The following RERE variants were observed in gnomAD, a reference collection of about 807,000 sequenced individuals.
RERE encodes the protein arginine-glutamic acid dipeptide repeats protein.
RERE carries 40 observed loss-of-function variants against 146.1 expected under a neutral mutation model. The ratio of observed to expected loss-of-function variants is 0.27; its 90% CI spans 0.21 to 0.36. RERE has a LOEUF of 0.36. Ranked by LOEUF, RERE falls within the 10% of genes least tolerant of loss-of-function variation. The pLI is 1.00. For synonymous variants in RERE, 1,003 were observed against 866.0 expected, an observed-to-expected ratio of 1.16 and a Z score of -2.78; for missense variants, 1,933 against 2,138.7, an observed-to-expected ratio of 0.90 and a Z score of 1.90.
At position 8,505,888 on chromosome 1, in the gene RERE, C is replaced by G. The variant is rs529755355; in HGVS notation, c.879+2739G>C. ...AAAAGTTTTATTATTTTTGGTGCTC[C>G]AAAACATTTCTTTTTGAAAATGAAG... On this transcript the variant is annotated intron_variant, in intron 8 of 22. Coordinates refer to ENST00000400908, the MANE Select transcript of RERE (RefSeq NM_001042681.2). 2.0e-4 allele frequency among the ~76,000 whole-genome samples: 31 copies of G among 152,090 alleles called. No individual in the cohort carries two copies. The East Asian group carries it at 5.8e-3, about 28-fold the overall frequency.
chr1:8,751,983 A>G (rs1640546799), intron 1 of RERE, among the ~76,000 whole-genome samples: 3 of 152,006 alleles, frequency 2.0e-5, no homozygotes, highest in Non-Finnish European at 2.9e-5. Context: ...ATTCAATATA[A>G]TAATAGTTAA....
At chr1:8,524,053 T>C (rs557146630) in intron 7 of RERE, among the ~76,000 whole-genome samples, 1 of 152,290 alleles carries the variant, frequency 6.6e-6, no homozygotes, top group South Asian at 2.1e-4. Context: ...GTCCAGTTCC[T>C]CTCGTCTATT....
chr1:8,786,088 C>G, intron 1 of RERE: 1 of 426,064 alleles, frequency 2.3e-6, no homozygotes, highest in Non-Finnish European at 4.4e-6. Flanking sequence ...CATCAGTCTG[C>G]CTGCTTCCAC....
intron 1 of RERE, among the ~76,000 whole-genome samples, chr1:8,752,099 G>C (rs1237320118): frequency 6.6e-6 from 1 of 151,908 alleles, no homozygotes; most frequent in Non-Finnish European, 1.5e-5. Context: ...TTTACAGACA[G>C]CAAAAAGACA....
chr1:8,570,639 T>A (rs1646210331), intron 4 of RERE, among the ~76,000 whole-genome samples: 1 of 152,092 alleles, frequency 6.6e-6, no homozygotes, highest in Non-Finnish European at 1.5e-5. Context: ...AGAATGACAG[T>A]GAAAAAAAGC....
intron 1 of RERE, among the ~76,000 whole-genome samples, chr1:8,791,710 C>T (rs1641365922): frequency 1.3e-5 from 2 of 152,174 alleles, no homozygotes; most frequent in East Asian, 1.9e-4. Context: ...CATGATTATT[C>T]TGAAATCTCT....
intron 1 of RERE, among the ~76,000 whole-genome samples, chr1:8,666,086 T>C (rs181563811): frequency 6.6e-6 from 1 of 152,268 alleles, no homozygotes; most frequent in Admixed American, 6.5e-5. Flanking sequence ...CTGCCTTAAA[T>C]GACATGGCCT....
chr1:8,488,518 T>G (rs923027183), intron 10 of RERE, among the ~76,000 whole-genome samples: 2 of 152,184 alleles, frequency 1.3e-5, no homozygotes, highest in Non-Finnish European at 2.9e-5. Context: ...AGTGCTGGGA[T>G]TATAGGTGTG....
chr1:8,638,815 GAGT>G (rs1647136232), intron 2 of RERE, among the ~76,000 whole-genome samples: 1 of 130,092 alleles, frequency 7.7e-6, no homozygotes, highest in Non-Finnish European at 1.5e-5. Context: ...TTTTGAGATG[GAGT>G]CTCGCTGTCG....
At chr1:8,724,095 T>C (rs1050547363) in intron 1 of RERE, among the ~76,000 whole-genome samples, 20 of 152,376 alleles carry the variant, frequency 1.3e-4, no homozygotes, top group Admixed American at 2.6e-4. Context: ...ACCAAAGATA[T>C]TCTATCCCTA....
chr1:8,446,736 G>A (rs887686278), intron 11 of RERE, among the ~76,000 whole-genome samples: 2 of 151,780 alleles, frequency 1.3e-5, no homozygotes, highest in African/African-American at 2.4e-5. Context: ...GTGCTGTGGC[G>A]CCATCTCGGC....
intron 12 of RERE, 121 bp downstream of exon 12, chr1:8,422,606 G>A: frequency 1.5e-6 from 1 of 687,030 alleles, no homozygotes. Flanking sequence ...GAATTCTGGA[G>A]GCCAGCCCGA....
rs1223963233 is a variant in RERE, at chr1:8,423,835, C to T, written c.1204-1028G>A. The T allele has an allele frequency of 2.8e-6, 1 of 355,594 alleles. No individual in the cohort carries two copies. Among genetic ancestry groups the T allele is most frequent in the Non-Finnish European group, 3.9e-6 (1 of 256,292 alleles). 22.0% of individuals were successfully genotyped at this position (355,594 alleles called of 1,614,324 possible). A position where few individuals can be genotyped will look rare whatever the true frequency, so the allele number is the denominator to read the frequency against. On this transcript the variant is annotated intron_variant, in intron 11 of 22. Transcript: ENST00000400908. The surrounding 1 kb of genome is among the most constrained non-coding windows in gnomAD (Gnocchi z 5.4). Reference sequence around the variant, plus strand: ...GGCCGCGGGCGGCTGCAAAAGGCGGCCTGGATTGCCGCCGCCCTCCTGTCC... The same window carrying T: ...GGCCGCGGGCGGCTGCAAAAGGCGGTCTGGATTGCCGCCGCCCTCCTGTCC...
intron 1 of RERE, among the ~76,000 whole-genome samples, chr1:8,693,020 C>T (rs769684395): frequency 3.9e-5 from 6 of 151,988 alleles, no homozygotes; most frequent in East Asian, 1.9e-4. Flanking sequence ...GAGCTGGCAT[C>T]GGAAATGAGC....
rs1487686638 is a variant in RERE, at chr1:8,536,043, T to C, written c.830+5171A>G. ...ATTGCTTGAACCCGGGAGGTGGAGG[T>C]TGCAGTGAGCCGAGATCACACCACT... On this transcript the variant is annotated intron_variant, in intron 7 of 22. Transcript: ENST00000400908. Among the ~76,000 whole-genome samples the C allele has an allele frequency of 2.7e-5, 4 of 148,348 alleles. No homozygotes were observed. In the South Asian group the frequency reaches 6.5e-4, roughly 24 times the overall value.
At chr1:8,653,525 C>G (rs1419663293) in intron 2 of RERE, among the ~76,000 whole-genome samples, 1 of 151,958 alleles carries the variant, frequency 6.6e-6, no homozygotes, top group African/African-American at 2.4e-5. Context: ...GAAACCCCGT[C>G]TCTACTAAAA....
At chr1:8,621,576 T>C (rs1435795169) in intron 3 of RERE, among the ~76,000 whole-genome samples, 1 of 152,210 alleles carries the variant, frequency 6.6e-6, no homozygotes, top group Admixed American at 6.5e-5. Flanking sequence ...TCATTTATAG[T>C]ATAAACAATG....
chr1:8,514,633 CAGG>C (rs1288000114), intron 7 of RERE, among the ~76,000 whole-genome samples: 3 of 151,888 alleles, frequency 2.0e-5, no homozygotes, highest in African/African-American at 7.3e-5. Context: ...GAGGCTCAGG[CAGG>C]AGAACTGCTT....
At chr1:8,605,072 T>C (rs1479536395) in intron 4 of RERE, among the ~76,000 whole-genome samples, 1 of 152,230 alleles carries the variant, frequency 6.6e-6, no homozygotes, top group African/African-American at 2.4e-5. Context: ...CTCTAACTAA[T>C]TTCAGTAAAG....
Sources: allele counts gnomAD v4.1 joint callset (sites outside exome capture counted in the v4.1 genomes callset), GRCh38; gene constraint gnomAD v4.1.1; non-coding constraint Gnocchi (gnomAD v3.1); transcripts MANE v1.5; gene names NCBI Gene and HGNC (gene_info 2026-07-23, HGNC 2026-07-21).